Variants in ITCH observed in about 807,000 individuals in gnomAD.
ITCH encodes the protein itchy E3 ubiquitin protein ligase, also known as E3 ubiquitin-protein ligase Itchy homolog.
A neutral mutation model predicts 126.8 loss-of-function variants in ITCH; 28 were observed. The ratio of observed to expected loss-of-function variants is 0.22; its 90% CI spans 0.16 to 0.30. ITCH has a LOEUF of 0.30. ITCH is among the 10% of genes least tolerant of loss of function. The probability of loss-of-function intolerance (pLI) is 1.00; values close to 1 mark genes in which losing one functional copy is unlikely to be tolerated. For missense variants in ITCH, 631 were observed against 1,032.4 expected, an observed-to-expected ratio of 0.61 and a Z score of 5.33; for synonymous variants, 342 against 340.0, an observed-to-expected ratio of 1.01 and a Z score of -0.06.
rs1312414051 is a variant in ITCH, at chr20:34,507,962, C to T, written c.*168C>T. 15 of 607,792 alleles carry T rather than the reference C, an allele frequency of 2.5e-5. No individual in the cohort carries two copies. The highest frequency in any genetic ancestry group is 7.3e-4 in the Middle Eastern group (2 of 2,726). 37.6% of individuals were successfully genotyped at this position (607,792 alleles called of 1,614,324 possible). A position where few individuals can be genotyped will look rare whatever the true frequency, so the allele number is the denominator to read the frequency against. On this transcript the variant is annotated 3_prime_UTR_variant, in exon 25 of 25. Transcript: ENST00000374864. ...TTATCTCCCAGTGATTTCTACTCAG[C>T]GTTTCCAGAAATCAGGTCTGCAAAT... is the stretch of plus-strand genomic sequence containing the variant.
rs532838771 is a variant in ITCH at position 34,431,456 on chromosome 20, T to C, written c.521+6931T>C. On this transcript the variant is annotated intron_variant, in intron 7 of 24. Coordinates refer to ENST00000374864, the MANE Select transcript of ITCH (RefSeq NM_031483.7). ...GGAGGGCCTTGGGATGGGAGAGTTA[T>C]TCTAGATCTCCTGCATTTAGTTGAT... 3.3e-5 allele frequency among the ~76,000 whole-genome samples: 5 copies of C among 152,198 alleles called. No homozygotes were observed. The East Asian group carries it at 9.7e-4, about 29-fold the overall frequency.
rs1983341660 is a variant in ITCH at position 34,438,613 on chromosome 20, C to T, written c.661C>T (p.Pro221Ser). Residue 221 changes from proline (P) to serine (S), a missense_variant, in exon 8 of 25, where the codon CCC (proline) becomes TCC (serine). Pro to Ser is a moderately conservative substitution (Grantham distance 74, BLOSUM62 -1). Coordinates refer to ENST00000374864, the MANE Select transcript of ITCH (RefSeq NM_031483.7). ...RPPRPSRPPP[P>S]TPRRPASVNG... is the part of the protein sequence containing the mutation. ...TCCAAGACCTTCACGACCACCACCA[C>T]CCACCCCACGTAGACCAGGTTTGTA... 6.2e-7 allele frequency: 1 copy of T among 1,613,880 alleles called. No homozygotes were observed. The highest frequency in any genetic ancestry group is 1.7e-5 in the Admixed American group (1 of 59,986).
At chr20:34,405,486 CAA>C (rs903153938) in intron 3 of ITCH, among the ~76,000 whole-genome samples, 1 of 150,890 alleles carries the variant, frequency 6.6e-6, no homozygotes, top group Non-Finnish European at 1.5e-5. Flanking sequence ...GCCTGGGCAA[CAA>C]GAGCGAAACT....
rs1283808108 is a variant in ITCH, at chr20:34,511,302, A to T, written c.*3508A>T. On this transcript the variant is annotated 3_prime_UTR_variant, in exon 25 of 25. Coordinates refer to ENST00000374864, the MANE Select transcript of ITCH (RefSeq NM_031483.7). ...ATGCTACAAATATTACAGGGAGTCA[A>T]ATGCTTTTATAAAGTTCCTTCAGTG... is the stretch of plus-strand genomic sequence containing the variant. The T allele has an allele frequency of 6.6e-6, 1 of 152,184 alleles. No individual in the cohort carries two copies. The highest frequency in any genetic ancestry group is 1.5e-5 in the Non-Finnish European group (1 of 68,036). 9.4% of individuals were successfully genotyped at this position (152,184 alleles called of 1,614,324 possible).
At position 34,471,502 on chromosome 20, in the gene ITCH, ATTCCT is replaced by A. The variant is rs1430279761; in HGVS notation, c.1560_1564del (p.Phe521ThrfsTer40). ...GTGACAAGAAAAACATTGTTTGAGG[ATTCCT>A]TTCAACAGGTACTGTTTCATTCTCT... On this transcript the variant is annotated frameshift_variant, in exon 16 of 25. Coordinates refer to ENST00000374864, the MANE Select transcript of ITCH (RefSeq NM_031483.7). LOFTEE classifies it high-confidence loss of function. 1 of 1,599,402 alleles carries A rather than the reference ATTCCT, an allele frequency of 6.3e-7. No individual in the cohort carries two copies. The highest frequency in any genetic ancestry group is 1.7e-5 in the Admixed American group (1 of 59,998).
At chr20:34,389,041 A>G (rs1267719054) in intron 2 of ITCH, among the ~76,000 whole-genome samples, 1 of 152,198 alleles carries the variant, frequency 6.6e-6, no homozygotes, top group South Asian at 2.1e-4. Flanking sequence ...ACCACCACAT[A>G]TAACCACGTC....
intron 7 of ITCH, among the ~76,000 whole-genome samples, chr20:34,436,054 G>T (rs947588297): frequency 2.6e-5 from 4 of 152,078 alleles, no homozygotes; most frequent in African/African-American, 9.7e-5. Context: ...TGTTATAAGG[G>T]TGTACAGCAT....
At chr20:34,391,512 C>A (rs1463154802) in intron 2 of ITCH, among the ~76,000 whole-genome samples, 1 of 152,030 alleles carries the variant, frequency 6.6e-6, no homozygotes, top group Non-Finnish European at 1.5e-5. Flanking sequence ...TATTTTGATA[C>A]CTGCATAGTA....
At chr20:34,504,105 T>C (rs1990467850) in intron 23 of ITCH, among the ~76,000 whole-genome samples, 1 of 152,096 alleles carries the variant, frequency 6.6e-6, no homozygotes, top group Non-Finnish European at 1.5e-5. Flanking sequence ...GATCTTGAAC[T>C]CCTGACCTCA....
At chr20:34,413,981 T>A (rs1342669117) in intron 6 of ITCH, 102 bp downstream of exon 6, 2 of 1,077,796 alleles carry the variant, frequency 1.9e-6, no homozygotes, top group African/African-American at 1.6e-5. Flanking sequence ...TTCAGATTAA[T>A]AAAATGTTTT....
intron 16 of ITCH, among the ~76,000 whole-genome samples, chr20:34,475,501 G>A (rs946846928): frequency 3.3e-5 from 5 of 152,182 alleles, no homozygotes; most frequent in African/African-American, 7.2e-5. Flanking sequence ...AAAAAAATAC[G>A]AAAACCAGTC....
chr20:34,412,497 C>A lies in ITCH; in HGVS notation c.213-18C>A, dbSNP rs1170484500. Reference sequence around the variant, plus strand: ...ATTCAATAAAAATAATATTTTTTCCCTCTTTTTTCACTTTTAGTATCGTTA... The same window carrying A: ...ATTCAATAAAAATAATATTTTTTCCATCTTTTTTCACTTTTAGTATCGTTA... On this transcript the variant is annotated intron_variant, in intron 4 of 24. Transcript: ENST00000374864. 1 of 1,554,988 alleles carries A rather than the reference C, an allele frequency of 6.4e-7. No individual in the cohort carries two copies. Among genetic ancestry groups the A allele is most frequent in the African/African-American group, 1.4e-5 (1 of 73,688 alleles).
chr20:34,371,189 G>C (rs1006919788), intron 2 of ITCH, among the ~76,000 whole-genome samples: 1 of 144,712 alleles, frequency 6.9e-6, no homozygotes, highest in Non-Finnish European at 1.5e-5. Context: ...AAAAAAAACT[G>C]AATAGGAAGA....
chr20:34,494,190 A>G (rs1474036602), intron 23 of ITCH, among the ~76,000 whole-genome samples: 2 of 152,230 alleles, frequency 1.3e-5, no homozygotes, highest in African/African-American at 2.4e-5. Context: ...AGATCGTGCC[A>G]CTGCACTCCA....
chr20:34,506,817 A>T (rs1990647923), intron 24 of ITCH, among the ~76,000 whole-genome samples: 1 of 152,068 alleles, frequency 6.6e-6, no homozygotes, highest in South Asian at 2.1e-4. Flanking sequence ...GTAGAATCGT[A>T]CCTTATTTGT....
rs1410083734 is a variant in ITCH at position 34,449,558 on chromosome 20, TA to T, written c.1210+79del. On this transcript the variant is annotated intron_variant, in intron 12 of 24. Transcript: ENST00000374864. The stretch of plus-strand genomic sequence containing the variant: ...TCCAATTGTGTCATTTTAAAACAGA[TA>T]TTTATGTCTGATACTGTGCTCTTGC... The T allele has an allele frequency of 1.3e-5, 13 of 970,928 alleles. No individual in the cohort carries two copies. In the African/African-American group the frequency reaches 1.6e-4, roughly 12 times the overall value. The allele number at this position is 970,928 out of a possible 1,614,324, so 60.1% of individuals were successfully genotyped here. A position where few individuals can be genotyped will look rare whatever the true frequency, so the allele number is the denominator to read the frequency against.
intron 6 of ITCH, among the ~76,000 whole-genome samples, chr20:34,421,973 G>C (rs1442675501): frequency 6.6e-6 from 1 of 152,172 alleles, no homozygotes; most frequent in Non-Finnish European, 1.5e-5. Flanking sequence ...CTATGACCAT[G>C]CCACTGTACT....
At chr20:34,448,392 CAAAAA>C (rs1349817852) in intron 11 of ITCH, among the ~76,000 whole-genome samples, 1 of 128,390 alleles carries the variant, frequency 7.8e-6, no homozygotes, top group Non-Finnish European at 1.7e-5. Context: ...GACTCCATCT[CAAAAA>C]AAAAAAGAAA....
intron 2 of ITCH, among the ~76,000 whole-genome samples, chr20:34,392,259 A>C (rs1255142424): frequency 6.6e-6 from 1 of 152,128 alleles, no homozygotes; most frequent in Non-Finnish European, 1.5e-5. Context: ...ACTTCTATTG[A>C]CTTTATGATG....
Sources: gnomAD v4.1 joint callset for allele counts (sites outside exome capture counted in the v4.1 genomes callset) on GRCh38, gnomAD v4.1.1 for gene constraint, MANE v1.5 for transcripts, NCBI Gene and HGNC (gene_info 2026-07-23, HGNC 2026-07-21) for gene names.